The following ALPK1 variants were observed in gnomAD, a reference collection of about 807,000 sequenced individuals.
ALPK1 encodes alpha-protein kinase 1.
ALPK1 carries 110 observed loss-of-function variants against 120.6 expected under a neutral mutation model. The observed-to-expected ratio is 0.91, with a 90% CI of 0.78 to 1.07. The LOEUF is 1.07. Among genes scored for constraint, ALPK1 ranks in the 50% least tolerant of loss-of-function variants. The pLI is 0.00. For missense variants in ALPK1, 1,498 were observed against 1,483.9 expected, an observed-to-expected ratio of 1.01 and a Z score of -0.16; for synonymous variants, 582 against 560.3, an observed-to-expected ratio of 1.04 and a Z score of -0.55.
chr4:112,347,215 T>G (rs1393868050), intron 2 of ALPK1, among the ~76,000 whole-genome samples: 1 of 152,230 alleles, frequency 6.6e-6, no homozygotes, highest in Non-Finnish European at 1.5e-5. Flanking sequence ...TGCTTGTCAG[T>G]ATGATGATCA....
At chr4:112,322,895 G>A (rs1380326380) in intron 2 of ALPK1, among the ~76,000 whole-genome samples, 1 of 152,236 alleles carries the variant, frequency 6.6e-6, no homozygotes, top group Non-Finnish European at 1.5e-5. Flanking sequence ...TTGAGTAGCT[G>A]CTATACAGCA....
At chr4:112,368,482 C>A (rs1051827923) in intron 2 of ALPK1, among the ~76,000 whole-genome samples, 2 of 151,966 alleles carry the variant, frequency 1.3e-5, no homozygotes, top group Non-Finnish European at 2.9e-5. Flanking sequence ...TTCATGATTT[C>A]TTTTTGCCTT....
At chr4:112,335,510 A>T (rs1360933273) in intron 2 of ALPK1, among the ~76,000 whole-genome samples, 1 of 152,132 alleles carries the variant, frequency 6.6e-6, no homozygotes, top group Non-Finnish European at 1.5e-5. Context: ...CCATCTTGGG[A>T]TAGAAATGAA....
intron 3 of ALPK1, among the ~76,000 whole-genome samples, chr4:112,381,947 G>A (rs561317991): frequency 2.0e-5 from 3 of 152,282 alleles, no homozygotes. Flanking sequence ...ATATCGAAGG[G>A]ATGAGAAAGT....
intron 4 of ALPK1, chr4:112,383,229 C>T (rs553687776): frequency 8.6e-5 from 13 of 151,958 alleles, no homozygotes; most frequent in Admixed American, 2.6e-4. Flanking sequence ...TTTTTGATAG[C>T]GTTGCTTTTT....
At position 112,359,202 on chromosome 4, in the gene ALPK1, C is replaced by G. The variant is rs1198362837; in HGVS notation, c.-100-18476C>G. 4 of 597,974 alleles carry G rather than the reference C, an allele frequency of 6.7e-6. No individual in the cohort carries two copies. In the Admixed American group the frequency reaches 9.9e-5, roughly 15 times the overall value. 37.0% of individuals were successfully genotyped at this position (597,974 alleles called of 1,614,324 possible). ...CCCCAGGCCACCCCCCACAGGAGAC[C>G]CTGGCAGCCACCCACAGTGGGGGTC... On this transcript the variant is annotated intron_variant, in intron 2 of 15. Transcript: ENST00000650871.
intron 4 of ALPK1, among the ~76,000 whole-genome samples, chr4:112,398,413 C>T (rs1222840430): frequency 2.0e-5 from 3 of 152,090 alleles, no homozygotes; most frequent in Admixed American, 1.3e-4. Context: ...CCACCTCAAC[C>T]TCCAGAATAG....
intron 5 of ALPK1, 156 bp from the exon 6 acceptor site, chr4:112,423,788 G>C (rs1475923051): frequency 1.3e-6 from 1 of 756,796 alleles, no homozygotes; most frequent in Non-Finnish European, 2.3e-6. Context: ...CAGTTTTATA[G>C]ATGATGTCAT....
At chr4:112,441,162 T>C (rs777126465) in intron 15 of ALPK1, 41 bp from the exon 16 acceptor site, 16 of 1,613,538 alleles carry the variant, frequency 9.9e-6, no homozygotes, top group Non-Finnish European at 1.2e-5. Context: ...TGCTCTCAAA[T>C]ATCTGGTGAT....
At chr4:112,336,282 C>T (rs1244570060) in intron 2 of ALPK1, among the ~76,000 whole-genome samples, 2 of 152,214 alleles carry the variant, frequency 1.3e-5, no homozygotes, top group African/African-American at 4.8e-5. Flanking sequence ...AGGAAGTACC[C>T]TGGGCAATGG....
chr4:112,396,608 T>C (rs1452026791), intron 4 of ALPK1, among the ~76,000 whole-genome samples: 3 of 152,126 alleles, frequency 2.0e-5, no homozygotes, highest in African/African-American at 7.2e-5. Context: ...AATGGAAACT[T>C]TTAGAATTTT....
intron 2 of ALPK1, chr4:112,357,949 T>TC (rs1730717932): frequency 1.3e-6 from 1 of 784,614 alleles, no homozygotes; most frequent in African/African-American, 1.7e-5. Flanking sequence ...AAGGATTGCC[T>TC]CCCCCGGGGT....
chr4:112,345,162 G>T (rs1560646019), intron 2 of ALPK1, among the ~76,000 whole-genome samples: 1 of 152,266 alleles, frequency 6.6e-6, no homozygotes, highest in African/African-American at 2.4e-5. Flanking sequence ...TGTTAATAGG[G>T]GGCGTGCTTC....
chr4:112,316,046 T>C (rs762229128), intron 2 of ALPK1, 194 bp downstream of exon 2: 5 of 152,236 alleles, frequency 3.3e-5, no homozygotes, highest in Non-Finnish European at 7.3e-5. Context: ...ATACACATAA[T>C]ATAAAATGTA....
intron 1 of ALPK1, among the ~76,000 whole-genome samples, chr4:112,299,118 A>G (rs1235432525): frequency 2.0e-5 from 3 of 151,918 alleles, no homozygotes; most frequent in Non-Finnish European, 4.4e-5. Flanking sequence ...TTGCCTCTCT[A>G]TATGGGGGAG....
chr4:112,312,828 A>G (rs1469756419), intron 1 of ALPK1, among the ~76,000 whole-genome samples: 1 of 152,238 alleles, frequency 6.6e-6, no homozygotes, highest in Non-Finnish European at 1.5e-5. Context: ...ACCCCAAGTC[A>G]TAGTTGTCAG....
intron 2 of ALPK1, among the ~76,000 whole-genome samples, chr4:112,376,189 C>T (rs1731651457): frequency 6.6e-6 from 1 of 152,166 alleles, no homozygotes; most frequent in Admixed American, 6.5e-5. Flanking sequence ...AAAAGTGGCA[C>T]AGAGACACCG....
chr4:112,369,459 T>C (rs952132019), intron 2 of ALPK1, among the ~76,000 whole-genome samples: 1 of 152,192 alleles, frequency 6.6e-6, no homozygotes, highest in African/African-American at 2.4e-5. Flanking sequence ...ATTCTTGTTG[T>C]ACATTAGAGA....
chr4:112,364,103 A>G lies in ALPK1; in HGVS notation c.-100-13575A>G, dbSNP rs114701222. 3.7e-3 allele frequency among the ~76,000 whole-genome samples: 558 copies of G among 152,280 alleles called. 5 individuals carry two copies. The highest frequency in any genetic ancestry group is 0.013 in the African/African-American group (536 of 41,576). ...TCATAGCATTAAATGTCTACACTAAAAAGCCTGAAAGAGCACAAATAGGCA... is the reference window on the plus strand; with the variant it reads ...TCATAGCATTAAATGTCTACACTAAGAAGCCTGAAAGAGCACAAATAGGCA... On this transcript the variant is annotated intron_variant, in intron 2 of 15. Transcript: ENST00000650871.
Sources: allele counts gnomAD v4.1 joint callset (sites outside exome capture counted in the v4.1 genomes callset), GRCh38; gene constraint gnomAD v4.1.1; transcripts MANE v1.5; gene names NCBI Gene and HGNC (gene_info 2026-07-23, HGNC 2026-07-21).